AKAP19: variants seen among roughly 807,000 people sequenced by gnomAD.
The protein encoded by AKAP19 is A-kinase anchoring protein 19.
At chr2:189,957,898 A>G in the AKAP19 span, among the ~76,000 whole-genome samples, 1 of 152,066 alleles carries the variant, frequency 6.6e-6, no homozygotes, top group African/African-American at 2.4e-5. Flanking sequence ...GGTTCAAGCA[A>G]TTTTCCTGCC....
chr2:190,057,094 C>T, the AKAP19 span: 2 of 690,900 alleles, frequency 2.9e-6, no homozygotes, highest in East Asian at 5.5e-5. Flanking sequence ...TAAATGCCAA[C>T]CATTGCATAT....
At chr2:189,916,893 T>G in the AKAP19 span, among the ~76,000 whole-genome samples, 1 of 152,156 alleles carries the variant, frequency 6.6e-6, no homozygotes, top group Admixed American at 6.6e-5. Context: ...CAAAACAGAG[T>G]AAAATCTGGT....
the AKAP19 span, among the ~76,000 whole-genome samples, chr2:190,042,512 T>C: frequency 3.3e-5 from 5 of 152,152 alleles, no homozygotes; most frequent in Non-Finnish European, 7.4e-5. Flanking sequence ...CTTGATTTAC[T>C]TCAGTTCAGC....
chr2:190,199,412 C>G, the AKAP19 span, among the ~76,000 whole-genome samples: 1 of 143,738 alleles, frequency 7.0e-6, no homozygotes, highest in African/African-American at 2.9e-5. Flanking sequence ...TCTAAGCTAG[C>G]AAAAATTGAA....
the AKAP19 span, among the ~76,000 whole-genome samples, chr2:189,967,285 A>G: frequency 6.6e-6 from 1 of 152,206 alleles, no homozygotes; most frequent in South Asian, 2.1e-4. Context: ...TCAACCTGGA[A>G]TAGGGAACCT....
At chr2:189,887,912 T>C in the AKAP19 span, among the ~76,000 whole-genome samples, 1 of 152,206 alleles carries the variant, frequency 6.6e-6, no homozygotes, top group Non-Finnish European at 1.5e-5. Flanking sequence ...AGGTTGCCTG[T>C]TCACTCTGAT....
chr2:190,049,587 C>T, the AKAP19 span, among the ~76,000 whole-genome samples: 1 of 152,146 alleles, frequency 6.6e-6, no homozygotes, highest in Non-Finnish European at 1.5e-5. Flanking sequence ...CTGCAGTAGC[C>T]ATCTTGTAAT....
chr2:190,085,656 G>A, the AKAP19 span, among the ~76,000 whole-genome samples: 1 of 152,182 alleles, frequency 6.6e-6, no homozygotes, highest in Admixed American at 6.5e-5. Context: ...CACATAGTAT[G>A]AGCACGTTGT....
the AKAP19 span, among the ~76,000 whole-genome samples, chr2:190,000,901 T>C: frequency 6.6e-6 from 1 of 152,184 alleles, no homozygotes; most frequent in Non-Finnish European, 1.5e-5. Flanking sequence ...ATTTATGTAG[T>C]TCTTTTTCTG....
chr2:190,193,649 C>CTGTT, the AKAP19 span, among the ~76,000 whole-genome samples: 4 of 152,156 alleles, frequency 2.6e-5, no homozygotes, highest in Non-Finnish European at 2.9e-5. Context: ...TATATTATTC[C>CTGTT]TGTTTGCCTT....
At chr2:190,173,920 C>T in the AKAP19 span, among the ~76,000 whole-genome samples, 1 of 152,140 alleles carries the variant, frequency 6.6e-6, no homozygotes, top group East Asian at 1.9e-4. Flanking sequence ...CTTCTTGCCC[C>T]TAGTTTCAGT....
At chr2:189,935,595 T>C in the AKAP19 span, among the ~76,000 whole-genome samples, 1 of 152,060 alleles carries the variant, frequency 6.6e-6, no homozygotes, top group Non-Finnish European at 1.5e-5. Flanking sequence ...GATTACAAAC[T>C]TAACAGCTGT....
the AKAP19 span, among the ~76,000 whole-genome samples, chr2:189,983,602 A>T: frequency 0.15 from 23,338 of 152,202 alleles, 1,863 homozygotes; most frequent in Middle Eastern, 0.26. Context: ...GCCCACTTCA[A>T]TGATTGGTGC....
At chr2:190,191,618 TC>T in the AKAP19 span, among the ~76,000 whole-genome samples, 1 of 152,226 alleles carries the variant, frequency 6.6e-6, no homozygotes, top group Non-Finnish European at 1.5e-5. Context: ...GTGCAGTTGC[TC>T]TGTATATGCA....
chr2:189,976,338 A>G, the AKAP19 span, among the ~76,000 whole-genome samples: 1 of 152,218 alleles, frequency 6.6e-6, no homozygotes, highest in Non-Finnish European at 1.5e-5. Flanking sequence ...TTCCTCTGAA[A>G]GCTTCGTCTC....
the AKAP19 span, among the ~76,000 whole-genome samples, chr2:190,104,713 C>A: frequency 1.3e-5 from 2 of 152,110 alleles, no homozygotes; most frequent in African/African-American, 2.4e-5. Flanking sequence ...TTGCTTGAAC[C>A]TGGGAGGTTG....
the AKAP19 span, among the ~76,000 whole-genome samples, chr2:190,078,983 C>T: frequency 1.1e-3 from 169 of 148,532 alleles, 2 homozygotes; most frequent in South Asian, 8.3e-3. Context: ...ATTTTAGAAT[C>T]CATTTTATAA....
the AKAP19 span, among the ~76,000 whole-genome samples, chr2:189,903,625 A>G: frequency 2.0e-5 from 3 of 152,054 alleles, no homozygotes; most frequent in African/African-American, 4.8e-5. Flanking sequence ...ATTGCCTGTA[A>G]AGATGTACTT....
At chr2:190,085,746 A>G in the AKAP19 span, among the ~76,000 whole-genome samples, 13 of 152,228 alleles carry the variant, frequency 8.5e-5, no homozygotes, top group Non-Finnish European at 1.9e-4. Context: ...CTGATCATCC[A>G]TACCATACAG....
Sources: gnomAD v4.1 joint callset for allele counts (sites outside exome capture counted in the v4.1 genomes callset) on GRCh38, gnomAD v4.1.1 for gene constraint, MANE v1.5 for transcripts, NCBI Gene and HGNC (gene_info 2026-07-23, HGNC 2026-07-21) for gene names.